Variants in TBCCD1 observed in about 807,000 individuals in gnomAD.
TBCCD1 encodes the protein TBCC domain-containing protein 1.
Under a neutral mutation model 53.4 loss-of-function variants are expected in TBCCD1, and 26 were observed. The observed-to-expected ratio is 0.49, with a 90% CI of 0.36 to 0.68. The LOEUF (loss-of-function observed/expected upper bound fraction) is 0.68, where lower values mean the gene tolerates loss of function less well. Ranked by LOEUF, TBCCD1 falls within the 30% of genes least tolerant of loss-of-function variation. The pLI, the probability that TBCCD1 is intolerant of heterozygous loss-of-function variation, is 0.00. For synonymous variants in TBCCD1, 245 were observed against 241.7 expected (o/e 1.01, Z -0.13); for missense variants, 558 against 669.5 (o/e 0.83, Z 1.84).
At chr3:186,549,171 T>C (rs1361572398) in intron 7 of TBCCD1, among the ~76,000 whole-genome samples, 5 of 151,846 alleles carry the variant, frequency 3.3e-5, no homozygotes, top group Non-Finnish European at 7.4e-5. Flanking sequence ...TCCTGTAATC[T>C]CAGCTACTCA....
intron 1 of TBCCD1, among the ~76,000 whole-genome samples, chr3:186,566,724 C>T (rs1348932833): frequency 6.6e-6 from 1 of 152,062 alleles, no homozygotes; most frequent in Non-Finnish European, 1.5e-5. Flanking sequence ...GGTGAAAGAA[C>T]CAGGGAGAGT....
rs374718356 is a variant in TBCCD1 at position 186,558,053 on chromosome 3, T to C, written c.492+364A>G. Among the ~76,000 whole-genome samples, 12 of 152,332 alleles carry C rather than the reference T, an allele frequency of 7.9e-5. No individual in the cohort carries two copies. The East Asian group carries it at 1.5e-3, about 20-fold the overall frequency. ...ACAACATGAGAAGATATTTTTATAA[T>C]TTTTTTCAGTAGATTTCAAAAGATT... is the stretch of plus-strand genomic sequence containing the variant. On this transcript the variant is annotated intron_variant, in intron 3 of 7. Coordinates refer to ENST00000338733, the MANE Select transcript of TBCCD1 (RefSeq NM_018138.5).
upstream of TBCCD1, chr3:186,570,302 C>G: frequency 1.8e-6 from 1 of 541,366 alleles, no homozygotes. Context: ...TCATTCGGAG[C>G]GTAGCTGGGT....
chr3:186,547,448 G>A (rs954206427), intron 7 of TBCCD1, among the ~76,000 whole-genome samples: 1 of 151,758 alleles, frequency 6.6e-6, no homozygotes, highest in African/African-American at 2.4e-5. Context: ...TAGAGACAGG[G>A]TCTCATTATA....
At chr3:186,549,536 G>A (rs571275804) in intron 7 of TBCCD1, among the ~76,000 whole-genome samples, 1 of 152,270 alleles carries the variant, frequency 6.6e-6, no homozygotes, top group East Asian at 1.9e-4. Context: ...AATTGGGTGT[G>A]ATAGCATGCA....
chr3:186,565,037 C>T (rs1042935959), intron 1 of TBCCD1, among the ~76,000 whole-genome samples: 2 of 151,104 alleles, frequency 1.3e-5, no homozygotes, highest in Admixed American at 6.6e-5. Context: ...AATACAAAAA[C>T]AGGGAACCAT....
At chr3:186,568,846 T>C (rs544816585), upstream of TBCCD1, among the ~76,000 whole-genome samples, 19 of 149,890 alleles carry the variant, frequency 1.3e-4, no homozygotes, top group Middle Eastern at 0.014. Context: ...GAGGTTGCAG[T>C]GAGCCAAGAT....
intron 2 of TBCCD1, 129 bp from the exon 3 acceptor site, chr3:186,558,701 T>C: frequency 1.1e-6 from 1 of 919,698 alleles, no homozygotes; most frequent in Non-Finnish European, 1.6e-6. Context: ...ACATTGCCAG[T>C]TTTGATATGT....
chr3:186,548,840 A>G (rs1714285491), intron 7 of TBCCD1, among the ~76,000 whole-genome samples: 1 of 152,096 alleles, frequency 6.6e-6, no homozygotes, highest in African/African-American at 2.4e-5. Context: ...AAAAAAACAA[A>G]GAGAGTAGAT....
chr3:186,550,242 A>C (rs904986383), intron 7 of TBCCD1, among the ~76,000 whole-genome samples: 38 of 151,864 alleles, frequency 2.5e-4, no homozygotes, highest in Middle Eastern at 6.8e-3. Flanking sequence ...AAAAAAAAAA[A>C]AAAAACTTTA....
chr3:186,561,204 T>C (rs1273012490), intron 2 of TBCCD1, among the ~76,000 whole-genome samples: 2 of 152,296 alleles, frequency 1.3e-5, no homozygotes, highest in Middle Eastern at 6.8e-3. Flanking sequence ...AAGGGGTTAA[T>C]ATCGAAAATA....
intron 2 of TBCCD1, among the ~76,000 whole-genome samples, chr3:186,559,425 A>G (rs1354932497): frequency 6.6e-6 from 1 of 152,164 alleles, no homozygotes; most frequent in Non-Finnish European, 1.5e-5. Flanking sequence ...TTAAAGACAA[A>G]AACACTGTTG....
upstream of TBCCD1, chr3:186,570,131 T>C (rs1714972557): frequency 1.4e-6 from 1 of 701,722 alleles, no homozygotes; most frequent in Admixed American, 2.0e-5. Context: ...GGAAGCCGAA[T>C]CCGAACTTAA....
upstream of TBCCD1, chr3:186,570,087 G>C: frequency 1.4e-6 from 1 of 699,692 alleles, no homozygotes; most frequent in Non-Finnish European, 2.6e-6. Flanking sequence ...TGGGAGGAGG[G>C]GAGGGGTGGG....
intron 2 of TBCCD1, among the ~76,000 whole-genome samples, chr3:186,563,175 G>A (rs1230887699): frequency 2.0e-5 from 3 of 152,190 alleles, no homozygotes; most frequent in Non-Finnish European, 2.9e-5. Context: ...CCAACCAGGA[G>A]CAACTGTGTT....
At chr3:186,547,435 T>C (rs1714245486) in intron 7 of TBCCD1, among the ~76,000 whole-genome samples, 1 of 151,818 alleles carries the variant, frequency 6.6e-6, no homozygotes, top group South Asian at 2.1e-4. Flanking sequence ...TTTAATTTTT[T>C]TGTAGAGACA....
intron 2 of TBCCD1, among the ~76,000 whole-genome samples, chr3:186,560,160 A>G (rs772029203): frequency 1.5e-5 from 2 of 137,682 alleles, no homozygotes; most frequent in Admixed American, 7.2e-5. Flanking sequence ...TGCCTTTTCC[A>G]TTTTTATACT....
Position 186,554,725 on chromosome 3 carries a change from T to C in TBCCD1, c.1073A>G (p.Asn358Ser). Residue 358 changes from asparagine to serine, a missense_variant, in exon 6 of 8, where the codon AAT (asparagine) becomes AGT (serine). By Grantham distance (46) the Asn-to-Ser change is conservative. Transcript: ENST00000338733. ...TACAGGGCCCAAGACAAAGATGCTA[T>C]TCCTGCACTTCTCAATTGTCACAGA... ...LRSVTIEKCR[N>S]SIFVLGPVGT... The C allele has an allele frequency of 6.2e-7, 1 of 1,613,846 alleles. No individual in the cohort carries two copies. Among genetic ancestry groups the C allele is most frequent in the South Asian group, 1.1e-5 (1 of 90,982 alleles).
chr3:186,564,999 A>T (rs988063842), intron 1 of TBCCD1, among the ~76,000 whole-genome samples: 1 of 152,130 alleles, frequency 6.6e-6, no homozygotes, highest in African/African-American at 2.4e-5. Context: ...TGTAACAATG[A>T]TACATGATTT....
Sources: gnomAD v4.1 joint callset for allele counts (sites outside exome capture counted in the v4.1 genomes callset) on GRCh38, gnomAD v4.1.1 for gene constraint, MANE v1.5 for transcripts, NCBI Gene and HGNC (gene_info 2026-07-23, HGNC 2026-07-21) for gene names.